ADARB2: variants seen among roughly 807,000 people sequenced by gnomAD.
The protein encoded by ADARB2 is inactive double-stranded RNA-specific editase B2.
ADARB2 carries 25 observed loss-of-function variants against 62.2 expected under a neutral mutation model. The observed-to-expected ratio is 0.40, with a 90% CI of 0.29 to 0.56. ADARB2 has a LOEUF of 0.56. Among genes scored for constraint, ADARB2 ranks in the 20% least tolerant of loss-of-function variants. ADARB2 has a pLI of 0.43. For missense variants in ADARB2, 1,071 were observed against 1,077.4 expected, an observed-to-expected ratio of 0.99 and a Z score of 0.08; for synonymous variants, 572 against 500.8, an observed-to-expected ratio of 1.14 and a Z score of -1.90.
intron 1 of ADARB2, among the ~76,000 whole-genome samples, chr10:1,705,577 T>G (rs952494503): frequency 6.6e-6 from 1 of 152,244 alleles, no homozygotes; most frequent in Non-Finnish European, 1.5e-5. Context: ...CAGACAGTTT[T>G]GTAGAGAACA....
chr10:1,520,424 A>G (rs896801199), intron 1 of ADARB2, among the ~76,000 whole-genome samples: 16 of 152,174 alleles, frequency 1.1e-4, no homozygotes, highest in African/African-American at 3.6e-4. Flanking sequence ...ATCTGTCTGA[A>G]TTCTCTAGAC....
intron 1 of ADARB2, among the ~76,000 whole-genome samples, chr10:1,508,131 C>T (rs1021834367): frequency 2.0e-5 from 3 of 152,160 alleles, no homozygotes; most frequent in African/African-American, 7.2e-5. Flanking sequence ...TCCAGCAGCA[C>T]ACGGCCAGCG....
chr10:1,302,122 TC>T (rs1354946411), intron 3 of ADARB2, among the ~76,000 whole-genome samples: 1 of 152,192 alleles, frequency 6.6e-6, no homozygotes, highest in Non-Finnish European at 1.5e-5. Context: ...GGTACCAGGT[TC>T]ATCTCACTAG....
At position 1,301,471 on chromosome 10, in the gene ADARB2, A is replaced by C. The variant is rs186289245; in HGVS notation, c.1078-30402T>G. On this transcript the variant is annotated intron_variant, in intron 3 of 9. Coordinates refer to ENST00000381312, the MANE Select transcript of ADARB2 (RefSeq NM_018702.4). ...CATTATTGAAAATGAAACCCATCAA[A>C]ATATTGAATATCAATCAATGCCCAA... 1.8e-3 allele frequency among the ~76,000 whole-genome samples: 273 copies of C among 152,346 alleles called. 1 individual carries two copies. Among genetic ancestry groups the C allele is most frequent in the Admixed American group, 4.5e-3 (69 of 15,308 alleles).
At chr10:1,667,296 G>A (rs1415162571) in intron 1 of ADARB2, among the ~76,000 whole-genome samples, 2 of 152,138 alleles carry the variant, frequency 1.3e-5, no homozygotes, top group African/African-American at 4.8e-5. Flanking sequence ...TGAATCATAT[G>A]TTTTATGAGG....
intron 1 of ADARB2, among the ~76,000 whole-genome samples, chr10:1,567,603 G>A (rs1423036992): frequency 1.3e-5 from 2 of 152,180 alleles, no homozygotes; most frequent in African/African-American, 4.8e-5. Flanking sequence ...ACAGGACGTG[G>A]CCAGGCATGG....
At chr10:1,395,021 T>A (rs1204493552) in intron 1 of ADARB2, 9 of 453,118 alleles carry the variant, frequency 2.0e-5, no homozygotes, top group Non-Finnish European at 3.5e-5. Context: ...CTGGGCTCAG[T>A]TGATCCTGCC....
chr10:1,603,091 ACACACATC>A (rs1388451430), intron 1 of ADARB2, among the ~76,000 whole-genome samples: 1 of 135,388 alleles, frequency 7.4e-6, no homozygotes, highest in African/African-American at 2.6e-5. Flanking sequence ...GTACACACAT[ACACACATC>A]AACACACACA....
intron 1 of ADARB2, among the ~76,000 whole-genome samples, chr10:1,449,797 T>C (rs1831015634): frequency 1.3e-5 from 2 of 152,222 alleles, no homozygotes; most frequent in African/African-American, 4.8e-5. Context: ...TATTAGGCAC[T>C]CAATGGCTAA....
At chr10:1,215,299 C>T (rs975743187) in intron 7 of ADARB2, among the ~76,000 whole-genome samples, 2 of 152,320 alleles carry the variant, frequency 1.3e-5, no homozygotes, top group African/African-American at 4.8e-5. Context: ...TGGGTGGCTG[C>T]GTTTTGAAGA....
At chr10:1,584,104 C>T (rs1833142746) in intron 1 of ADARB2, among the ~76,000 whole-genome samples, 1 of 152,060 alleles carries the variant, frequency 6.6e-6, no homozygotes, top group African/African-American at 2.4e-5. Flanking sequence ...ATACGACACC[C>T]AAGAAACAAT....
intron 1 of ADARB2, among the ~76,000 whole-genome samples, chr10:1,571,364 G>A (rs1319343238): frequency 6.6e-6 from 1 of 151,840 alleles, no homozygotes; most frequent in Non-Finnish European, 1.5e-5. Context: ...GCTTGATACT[G>A]ATACTATAGT....
At chr10:1,610,748 G>GCACA (rs56043096) in intron 1 of ADARB2, among the ~76,000 whole-genome samples, 23 of 150,448 alleles carry the variant, frequency 1.5e-4, no homozygotes, top group Non-Finnish European at 2.7e-4. Flanking sequence ...ATGGGCAGGC[G>GCACA]CACACACACA....
intron 8 of ADARB2, 130 bp downstream of exon 8, chr10:1,199,836 T>C (rs1458837737): frequency 1.3e-5 from 13 of 970,288 alleles, no homozygotes; most frequent in Middle Eastern, 6.6e-4. Context: ...CGTAGGACTT[T>C]GCCCATTAAA....
At chr10:1,572,777 G>A (rs1399277426) in intron 1 of ADARB2, among the ~76,000 whole-genome samples, 3 of 152,208 alleles carry the variant, frequency 2.0e-5, no homozygotes, top group Non-Finnish European at 4.4e-5. Context: ...TGCAGCCTGG[G>A]CTCCCCAGGG....
At chr10:1,527,730 T>A (rs1012905455) in intron 1 of ADARB2, among the ~76,000 whole-genome samples, 2 of 152,160 alleles carry the variant, frequency 1.3e-5, no homozygotes, top group Admixed American at 1.3e-4. Flanking sequence ...ATAATTTTCT[T>A]CCGTTTGATC....
chr10:1,438,266 T>G (rs1830856843), intron 1 of ADARB2, among the ~76,000 whole-genome samples: 1 of 149,982 alleles, frequency 6.7e-6, no homozygotes, highest in Non-Finnish European at 1.5e-5. Context: ...GGCTCCTGAG[T>G]CTCCCCCAAG....
chr10:1,624,770 C>T (rs951216855), intron 1 of ADARB2, among the ~76,000 whole-genome samples: 1 of 152,038 alleles, frequency 6.6e-6, no homozygotes, highest in Non-Finnish European at 1.5e-5. Context: ...AAAATGACTT[C>T]TAATTTTATC....
At chr10:1,277,371 A>C (rs1362336598) in intron 3 of ADARB2, among the ~76,000 whole-genome samples, 7 of 152,216 alleles carry the variant, frequency 4.6e-5, no homozygotes, top group Non-Finnish European at 1.0e-4. Flanking sequence ...AAGACTAATA[A>C]AGAAGAAAGA....
Sources: allele counts gnomAD v4.1 joint callset (sites outside exome capture counted in the v4.1 genomes callset), GRCh38; gene constraint gnomAD v4.1.1; transcripts MANE v1.5; gene names NCBI Gene and HGNC (gene_info 2026-07-23, HGNC 2026-07-21).